Variants in DHRSX observed in about 807,000 individuals in gnomAD.
DHRSX encodes the protein polyprenol dehydrogenase.
DHRSX carries 31 observed loss-of-function variants against 34.0 expected under a neutral mutation model. The observed-to-expected ratio is 0.91, with a 90% confidence interval of 0.69 to 1.23. The LOEUF (loss-of-function observed/expected upper bound fraction) is 1.23, where lower values mean the gene tolerates loss of function less well. Among genes scored for constraint, DHRSX ranks in the 50% most tolerant of loss-of-function variants. DHRSX has a pLI of 0.00. For missense variants in DHRSX, 414 were observed against 428.1 expected, an observed-to-expected ratio of 0.97 and a Z score of 0.29; for synonymous variants, 201 against 183.8, an observed-to-expected ratio of 1.09 and a Z score of -0.76.
intron 1 of DHRSX, among the ~76,000 whole-genome samples, chrX:2,483,420 T>C (rs1175793370): frequency 6.6e-6 from 1 of 152,020 alleles, no homozygotes; most frequent in Non-Finnish European, 1.5e-5. Flanking sequence ...GACATGCGCC[T>C]CCATGCCTGG....
At chrX:2,322,868 C>T (rs1471394334) in intron 3 of DHRSX, among the ~76,000 whole-genome samples, 11 of 152,054 alleles carry the variant, frequency 7.2e-5, no homozygotes, top group African/African-American at 7.2e-5. Flanking sequence ...GTGCCAGGGA[C>T]GTGTGTGACG....
At chrX:2,453,546 C>A (rs1327470149) in intron 1 of DHRSX, among the ~76,000 whole-genome samples, 3 of 151,960 alleles carry the variant, frequency 2.0e-5, no homozygotes, top group Non-Finnish European at 4.4e-5. Context: ...GTGGTGTGCA[C>A]CTGTACTCCC....
At chrX:2,299,585 T>C (rs2041986825) in intron 3 of DHRSX, among the ~76,000 whole-genome samples, 1 of 152,134 alleles carries the variant, frequency 6.6e-6, no homozygotes, top group African/African-American at 2.4e-5. Flanking sequence ...CCGGGTGTGG[T>C]GGCTCATGCC....
At chrX:2,438,306 T>TACTCACACAC (rs2044020957) in intron 1 of DHRSX, among the ~76,000 whole-genome samples, 1 of 149,546 alleles carries the variant, frequency 6.7e-6, no homozygotes. Flanking sequence ...ACAGAATGCA[T>TACTCACACAC]ACACACACAC....
chrX:2,325,413 C>T (rs779660151), intron 3 of DHRSX, among the ~76,000 whole-genome samples: 1 of 151,182 alleles, frequency 6.6e-6, no homozygotes, highest in African/African-American at 2.4e-5. Flanking sequence ...ACATTCAAAA[C>T]GGCGGCTCCA....
Position 2,266,402 on chromosome X carries a change from A to G in DHRSX, c.596+338T>C, listed in dbSNP as rs1490927255. On this transcript the variant is annotated intron_variant, in intron 5 of 6. Coordinates refer to ENST00000334651, the MANE Select transcript of DHRSX (RefSeq NM_145177.3). ...CACTGTCCCCAGAGCACCAGTGTAC[A>G]GCAGATGCAGGGAGCACTGTTCCCA... Among the ~76,000 whole-genome samples, 75 of 137,306 alleles carry G rather than the reference A, an allele frequency of 5.5e-4. 1 individual carries two copies. Among genetic ancestry groups the G allele is most frequent in the Non-Finnish European group, 2.8e-4 (18 of 63,802 alleles). The allele number at this position is 137,306 out of a possible 152,430, so 90.1% of individuals were successfully genotyped here.
intron 4 of DHRSX, among the ~76,000 whole-genome samples, chrX:2,285,894 C>T (rs1420998204): frequency 1.3e-5 from 2 of 152,018 alleles, no homozygotes; most frequent in Non-Finnish European, 2.9e-5. Context: ...TTCAGCACAC[C>T]AGCTGGTGAT....
chrX:2,393,084 T>C (rs1156814881), intron 3 of DHRSX, among the ~76,000 whole-genome samples: 2 of 147,304 alleles, frequency 1.4e-5, no homozygotes, highest in Non-Finnish European at 3.0e-5. Context: ...GTATTTAATA[T>C]ATACATTGAA....
At chrX:2,264,701 T>A (rs1443096128) in intron 5 of DHRSX, among the ~76,000 whole-genome samples, 1 of 116,272 alleles carries the variant, frequency 8.6e-6, no homozygotes, top group African/African-American at 3.4e-5. Flanking sequence ...GTGCGCCCAG[T>A]AGACACAGAG....
intron 3 of DHRSX, among the ~76,000 whole-genome samples, chrX:2,349,506 T>G (rs988475030): frequency 4.0e-5 from 6 of 151,152 alleles, no homozygotes; most frequent in African/African-American, 1.5e-4. Flanking sequence ...GCCAACATGG[T>G]GAAACCCCGT....
At chrX:2,236,257 GC>G (rs1182355334) in intron 6 of DHRSX, among the ~76,000 whole-genome samples, 2 of 152,146 alleles carry the variant, frequency 1.3e-5, no homozygotes, top group Non-Finnish European at 2.9e-5. Context: ...GAAAGCAAGC[GC>G]CCAGGAGAAG....
intron 3 of DHRSX, among the ~76,000 whole-genome samples, chrX:2,343,588 T>C (rs1393265916): frequency 6.6e-6 from 1 of 152,200 alleles, no homozygotes; most frequent in Non-Finnish European, 1.5e-5. Context: ...CCTTAACAGA[T>C]GCCATCTTGC....
chrX:2,257,271 C>CTGAACTTCAGTCA (rs1211434846), intron 5 of DHRSX, among the ~76,000 whole-genome samples: 2 of 152,134 alleles, frequency 1.3e-5, no homozygotes, highest in Non-Finnish European at 2.9e-5. Flanking sequence ...CATATATTTA[C>CTGAACTTCAGTCA]TGAACTTCAG....
At position 2,408,745 on chromosome X, in the gene DHRSX, C is replaced by T. The variant is rs747653127; in HGVS notation, c.286G>A (p.Val96Met). The part of the protein sequence containing the change: ...KIKEETLNDK[V>M]EFLYCDLASM... The stretch of plus-strand genomic sequence containing the variant: ...AAGCCATTGGAGTATCTCTCGGTAC[C>T]TTTGTCGTTCAAGGTTTCTTCTTTT... The change falls in exon 3 of 7, where the codon GTG becomes ATG. Residue 96 changes from valine to methionine, a missense_variant and splice_region_variant. Val to Met is a conservative substitution (Grantham distance 21). Transcript: ENST00000334651. The T allele has an allele frequency of 6.8e-6, 11 of 1,610,496 alleles. No homozygotes were observed. The South Asian group carries it at 1.2e-4, about 18-fold the overall frequency.
chrX:2,379,927 C>T (rs1231969062), intron 3 of DHRSX, among the ~76,000 whole-genome samples: 5 of 151,934 alleles, frequency 3.3e-5, no homozygotes, highest in African/African-American at 4.8e-5. Flanking sequence ...CTAGCAGGAC[C>T]GCCAGAATCT....
At chrX:2,244,671 C>A (rs34414678) in intron 5 of DHRSX, among the ~76,000 whole-genome samples, 3 of 146,306 alleles carry the variant, frequency 2.1e-5, no homozygotes, top group Non-Finnish European at 3.0e-5. Context: ...AGGTTCATAT[C>A]GCTTGCTTCT....
chrX:2,304,924 TATTCACAATAGCAAGG>T (rs1206936624), intron 3 of DHRSX, among the ~76,000 whole-genome samples: 6 of 152,052 alleles, frequency 3.9e-5, no homozygotes, highest in Non-Finnish European at 8.8e-5. Flanking sequence ...ATTGCAGCAC[TATTCACAATAGCAAGG>T]ATGTGGAATC....
chrX:2,374,881 G>A lies in DHRSX; in HGVS notation c.286+33864C>T, dbSNP rs1335034847. Reference sequence around the variant, plus strand: ...GAGCCCTGGAGTTCAAGACCACCCAGGGCAAGATAGTGAGACCCTGTCTCT... The same window carrying A: ...GAGCCCTGGAGTTCAAGACCACCCAAGGCAAGATAGTGAGACCCTGTCTCT... On this transcript the variant is annotated intron_variant, in intron 3 of 6. Coordinates refer to ENST00000334651, the MANE Select transcript of DHRSX (RefSeq NM_145177.3). Among the ~76,000 whole-genome samples, 12 of 137,664 alleles carry A rather than the reference G, an allele frequency of 8.7e-5. 2 individuals are homozygous for A. Among genetic ancestry groups the A allele is most frequent in the Non-Finnish European group, 1.5e-4 (9 of 58,296 alleles). 90.3% of individuals were successfully genotyped at this position (137,664 alleles called of 152,430 possible).
intron 1 of DHRSX, among the ~76,000 whole-genome samples, chrX:2,432,055 G>C (rs994253829): frequency 4.6e-5 from 7 of 152,106 alleles, no homozygotes; most frequent in Admixed American, 4.6e-4. Context: ...GCTGGGCGTG[G>C]TGGTGTGTGC....
Sources: gnomAD v4.1 joint callset for allele counts (sites outside exome capture counted in the v4.1 genomes callset) on GRCh38, gnomAD v4.1.1 for gene constraint, MANE v1.5 for transcripts, NCBI Gene and HGNC (gene_info 2026-07-23, HGNC 2026-07-21) for gene names.